DNAAF5: variants seen among roughly 807,000 people sequenced by gnomAD.
DNAAF5 encodes HEAT repeat containing 2.
Under a neutral mutation model 75.8 loss-of-function variants are expected in DNAAF5, and 64 were observed. The ratio of observed to expected loss-of-function variants is 0.84; its 90% CI spans 0.69 to 1.04. The LOEUF is 1.04. Ranked by LOEUF, DNAAF5 falls within the 50% of genes least tolerant of loss-of-function variation. The pLI, the probability that DNAAF5 is intolerant of heterozygous loss-of-function variation, is 0.00. For synonymous variants in DNAAF5, 657 were observed against 557.2 expected, an observed-to-expected ratio of 1.18 and a Z score of -2.52; for missense variants, 1,269 against 1,178.5, an observed-to-expected ratio of 1.08 and a Z score of -1.12.
At position 754,940 on chromosome 7, in the gene DNAAF5, G is replaced by A. The variant is rs1263250513; in HGVS notation, c.1257+119G>A. 16 of 721,668 alleles carry A rather than the reference G, an allele frequency of 2.2e-5. No individual in the cohort carries two copies. The highest frequency in any genetic ancestry group is 3.1e-5 in the Non-Finnish European group (14 of 447,032). 44.7% of individuals were successfully genotyped at this position (721,668 alleles called of 1,614,324 possible). A position where few individuals can be genotyped will look rare whatever the true frequency, so the allele number is the denominator to read the frequency against. ...CCAAGACAGCGTTCCCCTCACCCCC[G>A]GGCCGCAGGCCCTCCCCACACCCAG... On this transcript the variant is annotated intron_variant, in intron 5 of 12. Transcript: ENST00000297440. The surrounding 1 kb of genome is among the most constrained non-coding windows in gnomAD (Gnocchi z 4.8).
In DNAAF5 at chr7:763,816, C is replaced by T. The variant is rs751822366; in HGVS notation, c.1625C>T (p.Thr542Met). 9.3e-6 allele frequency: 15 copies of T among 1,613,182 alleles called. No homozygotes were observed. The highest frequency in any genetic ancestry group is 2.2e-5 in the East Asian group (1 of 44,902). The change falls in exon 8 of 13, where the codon ACG becomes ATG. Residue 542 changes from threonine (T) to methionine (M), a missense_variant. Coordinates refer to ENST00000297440, the MANE Select transcript of DNAAF5 (RefSeq NM_017802.4). ...ACTTGTAACCTCCAGGCACAGGAGA[C>T]GATGGACTCACTGGCCATGGTGGAG... The part of the protein sequence containing the change: ...ATGLRDKAQE[T>M]MDSLAMVEGV...
At position 749,843 on chromosome 7, in the gene DNAAF5, C is replaced by T. The variant is rs191988949; in HGVS notation, c.1025-4746C>T. ...CCTCCCGAGTAGCTGTGATTACAGA[C>T]GCGCACCACCGCACCTGGATAATTT... On this transcript the variant is annotated intron_variant, in intron 4 of 12. Coordinates refer to ENST00000297440, the MANE Select transcript of DNAAF5 (RefSeq NM_017802.4). Among the ~76,000 whole-genome samples the T allele has an allele frequency of 2.2e-4, 33 of 152,232 alleles. 2 individuals carry two copies. The highest frequency in any genetic ancestry group is 1.6e-3 in the Admixed American group (25 of 15,284).
At chr7:739,468 G>T (rs959368791) in intron 2 of DNAAF5, among the ~76,000 whole-genome samples, 1 of 152,196 alleles carries the variant, frequency 6.6e-6, no homozygotes, top group East Asian at 1.9e-4. Flanking sequence ...GCTGATTTGG[G>T]TTTCTCTTAG....
rs182927565 is a variant in DNAAF5 at position 782,858 on chromosome 7, T to C, written c.2432-2659T>C. On this transcript the variant is annotated intron_variant, in intron 12 of 12. Coordinates refer to ENST00000297440, the MANE Select transcript of DNAAF5 (RefSeq NM_017802.4). ...CCGGCGGCATCAGAAACTCGGACCT[T>C]CCTGGCGTGGCCGCGTCCCCTCACA... is the stretch of plus-strand genomic sequence containing the variant. 3.3e-5 allele frequency among the ~76,000 whole-genome samples: 5 copies of C among 151,860 alleles called. No homozygotes were observed. In the East Asian group the frequency reaches 9.8e-4, roughly 30 times the overall value.
Position 785,595 on chromosome 7 carries a change from C to G in DNAAF5, c.2510C>G (p.Ser837Trp). The change falls in exon 13 of 13, where the codon TCG becomes TGG. Residue 837 changes from serine to tryptophan, a missense_variant. By Grantham distance (177) the Ser-to-Trp change is radical. Coordinates refer to ENST00000297440, the MANE Select transcript of DNAAF5 (RefSeq NM_017802.4). ...ETEAVIHKHRSATYCEQLLQH... is the reference protein window; with the variant it reads ...ETEAVIHKHRWATYCEQLLQH... ...GAGGCCGTCATCCACAAGCACCGCT[C>G]GGCCACCTACTGCGAGCAGCTCCTG... The G allele has an allele frequency of 6.2e-7, 1 of 1,613,264 alleles. No homozygotes were observed. Among genetic ancestry groups the G allele is most frequent in the Non-Finnish European group, 8.5e-7 (1 of 1,180,024 alleles).
chr7:780,691 C>T (rs796294506), intron 12 of DNAAF5, among the ~76,000 whole-genome samples: 9 of 152,320 alleles, frequency 5.9e-5, no homozygotes, highest in African/African-American at 1.2e-4. Flanking sequence ...ACGCCAACAG[C>T]GACACAGGCC....
At chr7:729,606 A>T (rs1000893534) in intron 1 of DNAAF5, 57 bp from the exon 2 acceptor site, 133 of 1,541,392 alleles carry the variant, frequency 8.6e-5, no homozygotes, top group South Asian at 2.2e-4. Flanking sequence ...AAGCCCACAG[A>T]GCTGGGCGAG....
At chr7:778,392 G>C (rs957103017) in intron 11 of DNAAF5, 18 of 152,220 alleles carry the variant, frequency 1.2e-4, no homozygotes, top group African/African-American at 4.3e-4. Context: ...CTCCTTGGTG[G>C]GGAAGGAAGG....
At position 775,039 on chromosome 7, in the gene DNAAF5, G is replaced by A. The variant is rs531284883; in HGVS notation, c.2116G>A (p.Val706Ile). The change falls in exon 11 of 13, where the codon GTC becomes ATC. Residue 706 changes from valine to isoleucine, a missense_variant. Coordinates refer to ENST00000297440, the MANE Select transcript of DNAAF5 (RefSeq NM_017802.4). ...CGTGCAGGAAACACTGATGCCCCAG[G>A]TCCTGACCACCCTGGAGGAGGATTC... ...RDVQETLMPQ[V>I]LTTLEEDSKM... The A allele has an allele frequency of 1.2e-6, 2 of 1,613,954 alleles. No homozygotes were observed. Among genetic ancestry groups the A allele is most frequent in the Non-Finnish European group, 8.5e-7 (1 of 1,179,970 alleles).
intron 8 of DNAAF5, chr7:768,381 G>C (rs1778422412): frequency 6.7e-6 from 1 of 149,420 alleles, no homozygotes; most frequent in Admixed American, 6.6e-5. Flanking sequence ...GTGAGCCGCA[G>C]CTCACACTGG....
intron 8 of DNAAF5, among the ~76,000 whole-genome samples, chr7:766,728 G>A (rs1782833055): frequency 1.3e-5 from 2 of 152,194 alleles, no homozygotes; most frequent in South Asian, 4.2e-4. Flanking sequence ...GGAGGCTCAC[G>A]TGAGCTCAGA....
rs118139460 is a variant in DNAAF5, at chr7:756,956, G to A, written c.1432G>A (p.Glu478Lys). Residue 478 changes from glutamate to lysine, a missense_variant, in exon 6 of 13, where the codon GAG (glutamate) becomes AAG (lysine). By Grantham distance (56) the Glu-to-Lys change is moderately conservative. Transcript: ENST00000297440. ...LQPHLAAIAT[E>K]LAQAHICQAS... Reference sequence around the variant, plus strand: ...GCCGCACCTGGCAGCCATCGCCACAGAGCTGGCACAGGCCCACATCTGCCA... The same window carrying A: ...GCCGCACCTGGCAGCCATCGCCACAAAGCTGGCACAGGCCCACATCTGCCA... 1,411 of 1,606,914 alleles carry A rather than the reference G, an allele frequency of 8.8e-4. 6 individuals carry two copies. The highest frequency in any genetic ancestry group is 4.2e-3 in the Middle Eastern group (25 of 5,990).
In DNAAF5 at chr7:785,470, T is replaced by C. The variant is rs200308378; in HGVS notation, c.2432-47T>C. 2.8e-4 allele frequency: 449 copies of C among 1,599,530 alleles called. 1 individual carries two copies. Among genetic ancestry groups the C allele is most frequent in the Non-Finnish European group, 4.9e-5 (57 of 1,169,098 alleles). ...CAATTTGCACGAGAGGTAAGATTGG[T>C]TTCATGTTTGTTTCTGGCATGTTCA... is the stretch of plus-strand genomic sequence containing the variant. On this transcript the variant is annotated intron_variant, in intron 12 of 12. Coordinates refer to ENST00000297440, the MANE Select transcript of DNAAF5 (RefSeq NM_017802.4).
At chr7:771,284 G>A (rs1583514134) in intron 9 of DNAAF5, 1 of 152,326 alleles carries the variant, frequency 6.6e-6, no homozygotes, top group Non-Finnish European at 1.5e-5. Context: ...TGCCCTCTAG[G>A]AGCACTGGGA....
At chr7:752,067 G>A (rs1030310518) in intron 4 of DNAAF5, among the ~76,000 whole-genome samples, 2 of 152,230 alleles carry the variant, frequency 1.3e-5, no homozygotes, top group Non-Finnish European at 2.9e-5. Flanking sequence ...GCCACGTGGT[G>A]TTGGCTTTCA....
At position 727,085 on chromosome 7, in the gene DNAAF5, C is replaced by G; in HGVS notation, c.365C>G (p.Ala122Gly). The G allele has an allele frequency of 1.9e-6, 2 of 1,048,216 alleles. No homozygotes were observed. The highest frequency in any genetic ancestry group is 3.4e-5 in the African/African-American group (2 of 58,312). The allele number at this position is 1,048,216 out of a possible 1,614,324, so 64.9% of individuals were successfully genotyped here. The part of the protein sequence containing the change: ...DALPRLLPAL[A>G]ARLAGPVPAR... The stretch of plus-strand genomic sequence containing the variant: ...CTGCCGCGCCTGCTGCCCGCGCTCG[C>G]CGCGCGCTTGGCCGGCCCCGTGCCC... Residue 122 changes from alanine to glycine, a missense_variant, in exon 1 of 13, where the codon GCC (alanine) becomes GGC (glycine). Transcript: ENST00000297440.
At chr7:730,983 C>T (rs1372288157) in intron 2 of DNAAF5, among the ~76,000 whole-genome samples, 3 of 152,200 alleles carry the variant, frequency 2.0e-5, no homozygotes, top group Admixed American at 6.5e-5. Flanking sequence ...CCATGCTGCC[C>T]GGCACTTGCA....
intron 9 of DNAAF5, chr7:772,278 G>A (rs1778593481): frequency 6.6e-6 from 1 of 152,260 alleles, no homozygotes; most frequent in South Asian, 2.1e-4. Context: ...TTAAAATTCT[G>A]TAGTAATTGC....
intron 4 of DNAAF5, among the ~76,000 whole-genome samples, chr7:743,186 A>G (rs1007597409): frequency 1.3e-5 from 2 of 152,164 alleles, no homozygotes; most frequent in African/African-American, 2.4e-5. Flanking sequence ...CAACACAGCA[A>G]GACTCCTACT....
Sources: gnomAD v4.1 joint callset for allele counts (sites outside exome capture counted in the v4.1 genomes callset) on GRCh38, gnomAD v4.1.1 for gene constraint, Gnocchi (gnomAD v3.1) non-coding constraint, MANE v1.5 for transcripts, NCBI Gene and HGNC (gene_info 2026-07-23, HGNC 2026-07-21) for gene names.